PRKN: variants seen among roughly 807,000 people sequenced by gnomAD.
PRKN encodes parkin RBR E3 ubiquitin protein ligase, also known as E3 ubiquitin-protein ligase parkin.
A neutral mutation model predicts 59.5 loss-of-function variants in PRKN; 56 were observed. The observed-to-expected ratio is 0.94, with a 90% CI of 0.76 to 1.18. The LOEUF is 1.18. Among genes scored for constraint, PRKN ranks in the 50% most tolerant of loss-of-function variants. The probability of loss-of-function intolerance (pLI) is 0.00; values close to 1 mark genes in which losing one functional copy is unlikely to be tolerated. For missense variants in PRKN, 657 were observed against 596.4 expected (o/e 1.10, Z -1.06); for synonymous variants, 250 against 222.1 (o/e 1.13, Z -1.12).
chr6:162,228,279 G>A (rs1778272263), intron 3 of PRKN, among the ~76,000 whole-genome samples: 1 of 152,136 alleles, frequency 6.6e-6, no homozygotes, highest in Non-Finnish European at 1.5e-5. Flanking sequence ...AAGGGCTGTG[G>A]AATTGACTTC....
rs11291587 is a variant in PRKN, at chr6:161,419,395, CT to C, written c.1084-32519del. ...CTTTCCTTTTTTCTTTTTTCTTCTT[CT>C]TTTTTTTTTTAAATGGAGTCTCGCT... On this transcript the variant is annotated intron_variant, in intron 9 of 11. Coordinates refer to ENST00000366898, the MANE Select transcript of PRKN (RefSeq NM_004562.3). This position sits in a 1 kb window ranked among gnomAD's most constrained non-coding sequence, Gnocchi z 4.1. 0.82 allele frequency among the ~76,000 whole-genome samples: 122,520 copies of C among 149,494 alleles called. 50,153 individuals carry two copies. Among genetic ancestry groups the C allele is most frequent in the East Asian group, 0.86 (4,339 of 5,044 alleles).
intron 6 of PRKN, among the ~76,000 whole-genome samples, chr6:161,938,250 A>G (rs1779427235): frequency 6.6e-6 from 1 of 152,222 alleles, no homozygotes; most frequent in Admixed American, 6.5e-5. Context: ...ATGGGAAGAC[A>G]GGTAAAATCC....
intron 6 of PRKN, among the ~76,000 whole-genome samples, chr6:161,966,539 T>C (rs1020003850): frequency 1.3e-5 from 2 of 152,194 alleles, no homozygotes; most frequent in African/African-American, 4.8e-5. Flanking sequence ...CCTTCTGTTG[T>C]AACTTCTATT....
intron 5 of PRKN, among the ~76,000 whole-genome samples, chr6:162,010,065 G>C (rs1346647704): frequency 3.3e-5 from 5 of 151,064 alleles, no homozygotes; most frequent in South Asian, 2.1e-4. Context: ...CAATCTTTTA[G>C]AGGAAGCAAT....
chr6:162,127,944 T>C (rs1386776969), intron 4 of PRKN, among the ~76,000 whole-genome samples: 2 of 152,180 alleles, frequency 1.3e-5, no homozygotes, highest in African/African-American at 4.8e-5. Context: ...CTTCACACTA[T>C]TTCTTCTGCA....
chr6:161,891,242 T>C (rs1795332418), intron 6 of PRKN, among the ~76,000 whole-genome samples: 1 of 152,102 alleles, frequency 6.6e-6, no homozygotes, highest in South Asian at 2.1e-4. Context: ...GCTCTGCTAG[T>C]TTTTTGGCTG....
chr6:161,690,148 T>C (rs1785725563), intron 7 of PRKN, among the ~76,000 whole-genome samples: 1 of 152,104 alleles, frequency 6.6e-6, no homozygotes, highest in Non-Finnish European at 1.5e-5. Context: ...ATGAGGTCAT[T>C]ATAGGGAGAC....
chr6:161,643,502 AT>A (rs1365962384), intron 7 of PRKN, among the ~76,000 whole-genome samples: 1 of 152,264 alleles, frequency 6.6e-6, no homozygotes, highest in Non-Finnish European at 1.5e-5. Flanking sequence ...TCTCGGAAAA[AT>A]AATATATTCT....
chr6:161,464,873 C>T (rs1205656910), intron 9 of PRKN, among the ~76,000 whole-genome samples: 12 of 152,204 alleles, frequency 7.9e-5, no homozygotes, highest in African/African-American at 2.7e-4. Flanking sequence ...CTTGGCTTCC[C>T]CACCTGTTGC....
chr6:162,461,425 C>T (rs1431563999), intron 1 of PRKN, among the ~76,000 whole-genome samples: 1 of 132,544 alleles, frequency 7.5e-6, no homozygotes, highest in Admixed American at 8.8e-5. Context: ...TCACTTGAAC[C>T]TGGGAGGTGG....
chr6:162,683,375 G>C (rs759676656), intron 1 of PRKN, among the ~76,000 whole-genome samples: 8 of 152,150 alleles, frequency 5.3e-5, no homozygotes, highest in Non-Finnish European at 1.0e-4. Flanking sequence ...TGAACGAGCT[G>C]TTCTAGATAA....
At chr6:161,426,853 G>A (rs1355723190) in intron 9 of PRKN, among the ~76,000 whole-genome samples, 1 of 151,912 alleles carries the variant, frequency 6.6e-6, no homozygotes, top group Admixed American at 6.6e-5. Flanking sequence ...CGAGTAGCTG[G>A]GACTACAGGC....
chr6:162,574,764 G>GTTTTATTT, intron 1 of PRKN, among the ~76,000 whole-genome samples: 1 of 86,328 alleles, frequency 1.2e-5, no homozygotes, highest in East Asian at 2.3e-4. Flanking sequence ...ATGATACTAA[G>GTTTTATTT]TTGTTTTTTT....
At chr6:162,473,606 A>G (rs1192433062) in intron 1 of PRKN, among the ~76,000 whole-genome samples, 2 of 152,258 alleles carry the variant, frequency 1.3e-5, no homozygotes, top group Non-Finnish European at 2.9e-5. Flanking sequence ...GCAAAATATT[A>G]TGATTTCAAC....
intron 7 of PRKN, among the ~76,000 whole-genome samples, chr6:161,643,283 A>G (rs903985152): frequency 2.0e-5 from 3 of 152,212 alleles, no homozygotes; most frequent in Admixed American, 6.5e-5. Context: ...AACACAACTG[A>G]CTTGTTAAAA....
intron 1 of PRKN, among the ~76,000 whole-genome samples, chr6:162,655,055 A>G (rs1259417661): frequency 1.3e-5 from 2 of 152,206 alleles, no homozygotes; most frequent in Non-Finnish European, 2.9e-5. Flanking sequence ...GTCAATTTTA[A>G]TAATTAGAAA....
intron 1 of PRKN, among the ~76,000 whole-genome samples, chr6:162,524,195 G>A (rs954255453): frequency 6.6e-6 from 1 of 152,078 alleles, no homozygotes; most frequent in African/African-American, 2.4e-5. Flanking sequence ...TTCTGTGTAG[G>A]AGCTATTGTA....
chr6:162,047,394 G>A (rs1395217663), intron 5 of PRKN, among the ~76,000 whole-genome samples: 4 of 152,160 alleles, frequency 2.6e-5, no homozygotes, highest in Middle Eastern at 3.2e-3. Context: ...CAGTGCAGAC[G>A]AGCATGGGCA....
In PRKN at chr6:162,619,709, C is replaced by G. The variant is rs9346925; in HGVS notation, c.7+107953G>C. Among the ~76,000 whole-genome samples the G allele has an allele frequency of 3.3e-4, 12 of 36,268 alleles. No individual in the cohort carries two copies. The East Asian group carries it at 8.7e-3, about 26-fold the overall frequency. The allele number at this position is 36,268 out of a possible 152,430, so 23.8% of individuals were successfully genotyped here. A position where few individuals can be genotyped will look rare whatever the true frequency, so the allele number is the denominator to read the frequency against. On this transcript the variant is annotated intron_variant, in intron 1 of 11. Coordinates refer to ENST00000366898, the MANE Select transcript of PRKN (RefSeq NM_004562.3). ...GGTATCTATCCTTTCACTTTTTCCA[C>G]TCACACACACACACACACACACACT... is the stretch of plus-strand genomic sequence containing the variant.
Sources: allele counts gnomAD v4.1 joint callset (sites outside exome capture counted in the v4.1 genomes callset), GRCh38; gene constraint gnomAD v4.1.1; non-coding constraint Gnocchi (gnomAD v3.1); transcripts MANE v1.5; gene names NCBI Gene and HGNC (gene_info 2026-07-23, HGNC 2026-07-21).